DPYD: variants seen among roughly 807,000 people sequenced by gnomAD.
DPYD encodes the protein dihydropyrimidine dehydrogenase [NADP(+)].
A neutral mutation model predicts 116.2 loss-of-function variants in DPYD; 109 were observed. That is an observed-to-expected ratio of 0.94 (90% CI 0.80 to 1.10). The LOEUF (loss-of-function observed/expected upper bound fraction) is 1.10. DPYD is among the 50% of genes least tolerant of loss of function. The pLI is 0.00. For missense variants in DPYD, 1,302 were observed against 1,254.5 expected, an observed-to-expected ratio of 1.04 and a Z score of -0.57; for synonymous variants, 440 against 432.0, an observed-to-expected ratio of 1.02 and a Z score of -0.23.
chr1:97,096,335 C>G (rs1650246192), intron 21 of DPYD, among the ~76,000 whole-genome samples: 1 of 152,050 alleles, frequency 6.6e-6, no homozygotes, highest in Non-Finnish European at 1.5e-5. Context: ...AAAATGCTTT[C>G]ATAATCATAT....
intron 14 of DPYD, among the ~76,000 whole-genome samples, chr1:97,397,214 C>G (rs565742229): frequency 3.0e-4 from 46 of 152,058 alleles, no homozygotes; most frequent in African/African-American, 1.1e-3. Flanking sequence ...ACTACCATGA[C>G]TAATATATAC....
At chr1:97,702,709 C>T (rs146681404) in intron 5 of DPYD, among the ~76,000 whole-genome samples, 10 of 151,966 alleles carry the variant, frequency 6.6e-5, no homozygotes, top group East Asian at 1.9e-4. Flanking sequence ...AGTTCTGAAA[C>T]GCCTAGCATA....
chr1:97,672,942 C>T (rs1178182349), intron 8 of DPYD, among the ~76,000 whole-genome samples: 1 of 151,922 alleles, frequency 6.6e-6, no homozygotes, highest in African/African-American at 2.4e-5. Context: ...TAAAAGAAAA[C>T]CAATTTGTGA....
intron 1 of DPYD, among the ~76,000 whole-genome samples, chr1:97,903,654 C>T (rs1352986000): frequency 6.6e-6 from 1 of 151,880 alleles, no homozygotes; most frequent in Non-Finnish European, 1.5e-5. Flanking sequence ...TACTGTCTTA[C>T]AATTCATCTT....
chr1:97,607,830 AAC>A (rs1412414477), intron 8 of DPYD, among the ~76,000 whole-genome samples: 1 of 150,388 alleles, frequency 6.6e-6, no homozygotes, highest in Admixed American at 6.6e-5. Context: ...GTAAAGCACA[AAC>A]AGTGTTCAAA....
rs528145436 is a variant in DPYD at position 97,687,883 on chromosome 1, C to G, written c.762+3834G>C. Among the ~76,000 whole-genome samples the G allele has an allele frequency of 4.6e-5, 7 of 152,152 alleles. No homozygotes were observed. The South Asian group carries it at 1.5e-3, about 32-fold the overall frequency. ...AGAAAACTAACACAGAAATGGAAAACCAAACACTGCATGATCTCACTTACA... is the reference window on the plus strand; with the variant it reads ...AGAAAACTAACACAGAAATGGAAAAGCAAACACTGCATGATCTCACTTACA... On this transcript the variant is annotated intron_variant, in intron 7 of 22. Coordinates refer to ENST00000370192, the MANE Select transcript of DPYD (RefSeq NM_000110.4).
intron 16 of DPYD, among the ~76,000 whole-genome samples, chr1:97,343,281 G>A (rs1669672332): frequency 6.6e-6 from 1 of 152,008 alleles, no homozygotes; most frequent in Non-Finnish European, 1.5e-5. Context: ...CACAAACAAA[G>A]GTTAATAATA....
chr1:97,262,579 A>G (rs1313954719), intron 18 of DPYD, among the ~76,000 whole-genome samples: 1 of 152,118 alleles, frequency 6.6e-6, no homozygotes, highest in Non-Finnish European at 1.5e-5. Context: ...ATGAAAAATA[A>G]TCTTTATTTC....
At chr1:97,090,500 T>C (rs1424857471) in intron 21 of DPYD, among the ~76,000 whole-genome samples, 1 of 152,178 alleles carries the variant, frequency 6.6e-6, no homozygotes, top group Non-Finnish European at 1.5e-5. Context: ...TCAATAAATA[T>C]TAGCTTTTAT....
At chr1:97,082,056 T>C (rs1649194344) in intron 22 of DPYD, among the ~76,000 whole-genome samples, 1 of 152,122 alleles carries the variant, frequency 6.6e-6, no homozygotes, top group African/African-American at 2.4e-5. Context: ...ATTTCTCTTT[T>C]CAGTTGGATT....
chr1:97,156,924 A>G (rs1400274296), intron 20 of DPYD, among the ~76,000 whole-genome samples: 5 of 151,918 alleles, frequency 3.3e-5, no homozygotes, highest in Non-Finnish European at 7.4e-5. Flanking sequence ...ACACCATGGA[A>G]TACTATGCAG....
At chr1:97,738,183 T>G (rs1248485289) in intron 4 of DPYD, among the ~76,000 whole-genome samples, 1 of 152,112 alleles carries the variant, frequency 6.6e-6, no homozygotes, top group Non-Finnish European at 1.5e-5. Context: ...TCTCATGCAT[T>G]CTCATATAAA....
chr1:97,328,680 A>G (rs985942983), intron 16 of DPYD, among the ~76,000 whole-genome samples: 3 of 152,154 alleles, frequency 2.0e-5, no homozygotes, highest in African/African-American at 7.2e-5. Context: ...CAAAAGACAC[A>G]TTAGTTAGAA....
intron 19 of DPYD, among the ~76,000 whole-genome samples, chr1:97,203,551 C>T (rs370565609): frequency 3.3e-5 from 5 of 149,932 alleles, no homozygotes; most frequent in African/African-American, 9.8e-5. Context: ...GTGGGTGCAG[C>T]GCACCAGCAT....
intron 16 of DPYD, among the ~76,000 whole-genome samples, chr1:97,317,926 T>G (rs569071247): frequency 6.6e-6 from 1 of 152,008 alleles, no homozygotes; most frequent in Non-Finnish European, 1.5e-5. Context: ...CAAGTTGGTA[T>G]AGTTCTTTAA....
chr1:97,103,493 C>G (rs901669509), intron 20 of DPYD, among the ~76,000 whole-genome samples: 5 of 152,038 alleles, frequency 3.3e-5, no homozygotes, highest in African/African-American at 1.2e-4. Context: ...GCTAATGATG[C>G]AAATCAGTAC....
chr1:97,369,188 A>G (rs995766103), intron 16 of DPYD, among the ~76,000 whole-genome samples: 1 of 152,222 alleles, frequency 6.6e-6, no homozygotes, highest in Non-Finnish European at 1.5e-5. Context: ...TTATAAAACA[A>G]TTAAATCTAT....
intron 14 of DPYD, among the ~76,000 whole-genome samples, chr1:97,403,737 CT>C (rs1673497856): frequency 6.6e-6 from 1 of 151,830 alleles, no homozygotes; most frequent in Non-Finnish European, 1.5e-5. Flanking sequence ...ATTTTGTTGA[CT>C]TTTTTCAAAT....
Position 97,811,171 on chromosome 1 carries a change from A to G in DPYD, c.233+16943T>C, listed in dbSNP as rs544507109. Among the ~76,000 whole-genome samples the G allele has an allele frequency of 2.0e-5, 3 of 152,218 alleles. No homozygotes were observed. The East Asian group carries it at 5.8e-4, about 29-fold the overall frequency. ...GAAGACTCCCCTGTCAAATCTTCCT[A>G]TAATTTACACTCTTAGCAACACTTC... On this transcript the variant is annotated intron_variant, in intron 3 of 22. Coordinates refer to ENST00000370192, the MANE Select transcript of DPYD (RefSeq NM_000110.4).
Sources: gnomAD v4.1 joint callset for allele counts (sites outside exome capture counted in the v4.1 genomes callset) on GRCh38, gnomAD v4.1.1 for gene constraint, MANE v1.5 for transcripts, NCBI Gene and HGNC (gene_info 2026-07-23, HGNC 2026-07-21) for gene names.